The following ANO6 variants were observed in gnomAD, a reference collection of about 807,000 sequenced individuals.
ANO6 encodes the protein anoctamin 6.
ANO6 carries 106 observed loss-of-function variants against 117.5 expected under a neutral mutation model. The ratio of observed to expected loss-of-function variants is 0.90; its 90% CI spans 0.77 to 1.06. The LOEUF is 1.06. Among genes scored for constraint, ANO6 ranks in the 50% least tolerant of loss-of-function variants. ANO6 has a pLI of 0.00. For synonymous variants in ANO6, 367 were observed against 385.1 expected, an observed-to-expected ratio of 0.95 and a Z score of 0.55; for missense variants, 955 against 1,121.1, an observed-to-expected ratio of 0.85 and a Z score of 2.12.
intron 1 of ANO6, among the ~76,000 whole-genome samples, chr12:45,235,479 T>C (rs1165070054): frequency 6.6e-6 from 1 of 152,144 alleles, no homozygotes; most frequent in Non-Finnish European, 1.5e-5. Flanking sequence ...AACCACCTCC[T>C]GGGCATAATA....
intron 9 of ANO6, among the ~76,000 whole-genome samples, chr12:45,377,225 T>G (rs868502676): frequency 6.6e-6 from 1 of 152,122 alleles, no homozygotes; most frequent in African/African-American, 2.4e-5. Context: ...ATAATATGCT[T>G]GTCACTTTTT....
intron 1 of ANO6, among the ~76,000 whole-genome samples, chr12:45,242,583 C>T (rs939695628): frequency 3.9e-5 from 6 of 152,232 alleles, no homozygotes; most frequent in Admixed American, 3.9e-4. Flanking sequence ...GCTGCACCCA[C>T]TGTCCAACCA....
At chr12:45,373,125 A>C (rs910007759) in intron 9 of ANO6, among the ~76,000 whole-genome samples, 2 of 152,144 alleles carry the variant, frequency 1.3e-5, no homozygotes, top group Non-Finnish European at 2.9e-5. Context: ...AGGCCATTAC[A>C]TAATGGTAAA....
chr12:45,300,242 C>T (rs1233098749), intron 1 of ANO6, among the ~76,000 whole-genome samples: 1 of 152,178 alleles, frequency 6.6e-6, no homozygotes, highest in African/African-American at 2.4e-5. Flanking sequence ...AGTGCAGCTG[C>T]ATGATCACAG....
intron 6 of ANO6, among the ~76,000 whole-genome samples, chr12:45,350,448 T>G (rs745362774): frequency 1.3e-5 from 2 of 152,178 alleles, no homozygotes; most frequent in African/African-American, 2.4e-5. Context: ...ACCCAATCGT[T>G]CATCCCTGCC....
intron 7 of ANO6, among the ~76,000 whole-genome samples, chr12:45,353,368 A>C (rs561430895): frequency 6.6e-6 from 1 of 152,296 alleles, no homozygotes; most frequent in South Asian, 2.1e-4. Context: ...TGAGGTTGAC[A>C]TTCATGTGAA....
chr12:45,230,436 T>G (rs1947557780), intron 1 of ANO6, among the ~76,000 whole-genome samples: 1 of 149,092 alleles, frequency 6.7e-6, no homozygotes, highest in Non-Finnish European at 1.5e-5. Context: ...TATAAAATAT[T>G]TAACATATAT....
chr12:45,236,727 C>G (rs1381385179), intron 1 of ANO6, among the ~76,000 whole-genome samples: 1 of 152,176 alleles, frequency 6.6e-6, no homozygotes, highest in Admixed American at 6.5e-5. Flanking sequence ...GATTTATAAT[C>G]CTTTGGGTAT....
At chr12:45,432,793 C>T (rs1943662160), downstream of ANO6, among the ~76,000 whole-genome samples, 1 of 152,202 alleles carries the variant, frequency 6.6e-6, no homozygotes, top group Non-Finnish European at 1.5e-5. Context: ...TTGCTGCCTT[C>T]TCTCTATAGG....
chr12:45,347,540 A>G, intron 4 of ANO6: 1 of 181,160 alleles, frequency 5.5e-6, no homozygotes, highest in Non-Finnish European at 1.2e-5. Context: ...ACAGTTTTAT[A>G]ATTTGCTTTT....
intron 1 of ANO6, among the ~76,000 whole-genome samples, chr12:45,244,402 T>TTG (rs1291336886): frequency 9.5e-6 from 1 of 105,620 alleles, no homozygotes; most frequent in Non-Finnish European, 1.8e-5. Flanking sequence ...GCTTCTCTAT[T>TTG]TGGGGGGGGG....
chr12:45,433,412 T>C (rs986784761), downstream of ANO6, among the ~76,000 whole-genome samples: 1 of 152,146 alleles, frequency 6.6e-6, no homozygotes, highest in African/African-American at 2.4e-5. Context: ...AATACTCGAG[T>C]GCATTACTTT....
intron 1 of ANO6, among the ~76,000 whole-genome samples, chr12:45,220,350 C>T (rs1301528568): frequency 6.6e-6 from 1 of 152,106 alleles, no homozygotes; most frequent in Non-Finnish European, 1.5e-5. Flanking sequence ...GGTCCATTAC[C>T]TTTGAGAGAT....
At chr12:45,413,424 T>C (rs1565763104) in intron 16 of ANO6, among the ~76,000 whole-genome samples, 1 of 152,168 alleles carries the variant, frequency 6.6e-6, no homozygotes, top group Non-Finnish European at 1.5e-5. Context: ...AATGCCTAAG[T>C]GTTGGATATT....
At chr12:45,227,116 G>A (rs1947495518) in intron 1 of ANO6, among the ~76,000 whole-genome samples, 1 of 151,256 alleles carries the variant, frequency 6.6e-6, no homozygotes, top group South Asian at 2.1e-4. Flanking sequence ...AGGCTCCCGA[G>A]TAACTGGGAT....
At chr12:45,436,497 A>T (rs1943708402), downstream of ANO6, among the ~76,000 whole-genome samples, 1 of 152,166 alleles carries the variant, frequency 6.6e-6, no homozygotes, top group Admixed American at 6.5e-5. Flanking sequence ...CCTAATGTCT[A>T]TGCTTCTCAC....
intron 9 of ANO6, among the ~76,000 whole-genome samples, chr12:45,371,216 A>G (rs534925624): frequency 1.1e-4 from 17 of 152,330 alleles, no homozygotes; most frequent in South Asian, 2.1e-4. Flanking sequence ...TCCTACGCCC[A>G]TGGAGTCTCA....
chr12:45,365,367 A>G (rs1224907275), intron 8 of ANO6, among the ~76,000 whole-genome samples: 2 of 152,076 alleles, frequency 1.3e-5, no homozygotes, highest in East Asian at 3.9e-4. Context: ...TGCACATCTC[A>G]TTTCCTAATT....
At chr12:45,388,343 C>T (rs1373398060) in intron 11 of ANO6, 40 bp downstream of exon 11, 1 of 1,612,180 alleles carries the variant, frequency 6.2e-7, no homozygotes, top group African/African-American at 1.3e-5. Flanking sequence ...AATCTACTTA[C>T]TGCTGTGGTT....
Sources: gnomAD v4.1 joint callset for allele counts (sites outside exome capture counted in the v4.1 genomes callset) on GRCh38, gnomAD v4.1.1 for gene constraint, MANE v1.5 for transcripts, NCBI Gene and HGNC (gene_info 2026-07-23, HGNC 2026-07-21) for gene names.